The following BTG3 variants were observed in gnomAD, a reference collection of about 807,000 sequenced individuals.
BTG3 encodes BTG anti-proliferation factor 3.
A neutral mutation model predicts 25.8 loss-of-function variants in BTG3; 4 were observed. The observed-to-expected ratio is 0.16, with a 90% CI of 0.08 to 0.36. The LOEUF is 0.36. Among genes scored for constraint, BTG3 ranks in the 10% least tolerant of loss-of-function variants. BTG3 has a pLI of 1.00. For synonymous variants in BTG3, 107 were observed against 99.9 expected (o/e 1.07, Z -0.42); for missense variants, 201 against 304.9 (o/e 0.66, Z 2.54).
intron 4 of BTG3, among the ~76,000 whole-genome samples, chr21:17,596,536 T>C (rs1363987089): frequency 6.6e-6 from 1 of 152,056 alleles, no homozygotes; most frequent in African/African-American, 2.4e-5. Flanking sequence ...CACAAGTTCT[T>C]GAAGACTTTC....
At chr21:17,606,431 T>C (rs2061643784) in intron 2 of BTG3, among the ~76,000 whole-genome samples, 1 of 152,164 alleles carries the variant, frequency 6.6e-6, no homozygotes, top group Non-Finnish European at 1.5e-5. Context: ...GTATGTAAAA[T>C]ACTGCTTAGT....
Position 17,598,759 on chromosome 21 carries a change from T to C in BTG3, c.377A>G (p.Glu126Gly). 6.2e-7 allele frequency: 1 copy of C among 1,614,228 alleles called. No homozygotes were observed. Among genetic ancestry groups the C allele is most frequent in the Non-Finnish European group, 8.5e-7 (1 of 1,180,038 alleles). The change falls in exon 4 of 5, where the codon GAG becomes GGG. Residue 126 changes from glutamate (E) to glycine (G), a missense_variant. Around this residue, in one of 2 missense-constraint regions of BTG3, gnomAD observed 70 missense variants for 175.7 expected, o/e 0.40. Transcript: ENST00000348354. ...SFENKDENKD[E>G]ISRKVTRALD... is the part of the protein sequence containing the mutation. ...GGCCCTGGTAACTTTCCTGGAGATC[T>C]CATCCTTGTTCTCATCTTTATTTTC...
At chr21:17,597,503 A>C (rs375918641) in intron 4 of BTG3, among the ~76,000 whole-genome samples, 4 of 152,048 alleles carry the variant, frequency 2.6e-5, no homozygotes, top group African/African-American at 9.7e-5. Flanking sequence ...AAAAAAAGAA[A>C]AAAAAACCTG....
chr21:17,605,699 G>A (rs572444085), intron 2 of BTG3, among the ~76,000 whole-genome samples: 66 of 151,998 alleles, frequency 4.3e-4, no homozygotes, highest in African/African-American at 1.5e-3. Flanking sequence ...CCTATTATAC[G>A]ACATCTACCT....
intron 4 of BTG3, among the ~76,000 whole-genome samples, chr21:17,596,875 C>A (rs896827938): frequency 2.0e-5 from 3 of 152,006 alleles, no homozygotes; most frequent in South Asian, 2.1e-4. Flanking sequence ...ATGAATAATT[C>A]TTTATCCCCT....
intron 2 of BTG3, among the ~76,000 whole-genome samples, chr21:17,606,682 AT>A (rs933278931): frequency 3.3e-5 from 5 of 151,744 alleles, no homozygotes; most frequent in Non-Finnish European, 4.4e-5. Context: ...GTTTTGTACT[AT>A]TTTTTTTCAC....
In BTG3 at chr21:17,597,718, A is replaced by G. The variant is rs926227859; in HGVS notation, c.519+899T>C. On this transcript the variant is annotated intron_variant, in intron 4 of 4. Transcript: ENST00000348354. ...CTTCCCCTAAAGTCTAGGAAGAATA[A>G]TTCAACTGAGAAAAAAATGAGAAAA... 2.7e-5 allele frequency among the ~76,000 whole-genome samples: 3 copies of G among 109,448 alleles called. 1 individual carries two copies. Among genetic ancestry groups the G allele is most frequent in the Admixed American group, 2.2e-4 (2 of 9,162 alleles). 71.8% of individuals were successfully genotyped at this position (109,448 alleles called of 152,430 possible).
At position 17,594,304 on chromosome 21, in the gene BTG3, G is replaced by C. The variant is rs775262362; in HGVS notation, c.548C>G (p.Pro183Arg). Residue 183 changes from proline to arginine, a missense_variant, in exon 5 of 5, where the codon CCA becomes CGA. Coordinates refer to ENST00000348354, the MANE Select transcript of BTG3 (RefSeq NM_006806.5). ...QISELIFPPL[P>R]MWHPLPRKKP... ...TTTTCTGGGCAAAGGGTGCCACATT[G>C]GAAGAGGTGGAAATATAAGTTCTGA... 8 of 1,612,788 alleles carry C rather than the reference G, an allele frequency of 5.0e-6. No individual in the cohort carries two copies. Among genetic ancestry groups the C allele is most frequent in the African/African-American group, 1.3e-5 (1 of 74,826 alleles).
Position 17,593,984 on chromosome 21 carries a change from T to C in BTG3, c.*109A>G. 7.8e-7 allele frequency: 1 copy of C among 1,277,792 alleles called. No individual in the cohort carries two copies. Among genetic ancestry groups the C allele is most frequent in the South Asian group, 1.6e-5 (1 of 60,806 alleles). The allele number at this position is 1,277,792 out of a possible 1,614,324, so 79.2% of individuals were successfully genotyped here. On this transcript the variant is annotated 3_prime_UTR_variant, in exon 5 of 5. Coordinates refer to ENST00000348354, the MANE Select transcript of BTG3 (RefSeq NM_006806.5). ...CTTCTATAAAAATAAGTTTGATGGT[T>C]TGGCCCATCTAACTTCACTACTATT...
Position 17,604,807 on chromosome 21 carries a change from T to G in BTG3, c.311+53A>C, listed in dbSNP as rs542183419. The G allele has an allele frequency of 3.0e-5, 48 of 1,577,662 alleles. 2 individuals are homozygous for G. In the South Asian group the frequency reaches 5.4e-4, roughly 18 times the overall value. On this transcript the variant is annotated intron_variant, in intron 3 of 4. Transcript: ENST00000348354. Reference sequence around the variant, plus strand: ...GCAGGCCGTACATGACAGAATGTCATAAAATTAGTTCCAGCATGGTCATCA... The same window carrying G: ...GCAGGCCGTACATGACAGAATGTCAGAAAATTAGTTCCAGCATGGTCATCA...
At chr21:17,600,934 C>T (rs1489578838) in intron 3 of BTG3, among the ~76,000 whole-genome samples, 8 of 152,176 alleles carry the variant, frequency 5.3e-5, no homozygotes, top group African/African-American at 1.9e-4. Context: ...GAGGCCAAGG[C>T]GGGTGGATCA....
At chr21:17,595,364 A>G (rs967142362) in intron 4 of BTG3, among the ~76,000 whole-genome samples, 3 of 152,008 alleles carry the variant, frequency 2.0e-5, no homozygotes, top group South Asian at 4.1e-4. Flanking sequence ...CAAAAAGTAC[A>G]AAAGGGTAAA....
chr21:17,604,059 A>G, intron 3 of BTG3: 1 of 1,141,286 alleles, frequency 8.8e-7, no homozygotes, highest in Non-Finnish European at 1.1e-6. Flanking sequence ...CCTAGCACTG[A>G]TCTTTCACAA....
chr21:17,607,113 C>A (rs557774822), intron 2 of BTG3, among the ~76,000 whole-genome samples: 30 of 152,252 alleles, frequency 2.0e-4, no homozygotes, highest in Admixed American at 1.5e-3. Context: ...TTTTCTACTT[C>A]AAATACAGCT....
chr21:17,600,686 TA>T (rs1235858966), intron 3 of BTG3, among the ~76,000 whole-genome samples: 1 of 151,478 alleles, frequency 6.6e-6, no homozygotes. Context: ...AACAAAAAAT[TA>T]AAAAAACAGA....
At chr21:17,604,168 G>A (rs2061607439) in intron 3 of BTG3, 2 of 1,276,674 alleles carry the variant, frequency 1.6e-6, no homozygotes, top group Non-Finnish European at 2.0e-6. Flanking sequence ...AGGAGGCCGG[G>A]CGCAGTGGCT....
intron 3 of BTG3, among the ~76,000 whole-genome samples, chr21:17,602,748 G>A (rs1282452339): frequency 2.0e-5 from 3 of 152,070 alleles, no homozygotes; most frequent in African/African-American, 7.2e-5. Flanking sequence ...TTTCCTACCA[G>A]GCATCATCAA....
In BTG3 at chr21:17,596,125, T is replaced by C. The variant is rs572843386; in HGVS notation, c.520-1793A>G. ...AGCAGGATATGCCCATTATTTTTCA[T>C]TGAATCATTTACCTTTTACTAGTGA... On this transcript the variant is annotated intron_variant, in intron 4 of 4. Coordinates refer to ENST00000348354, the MANE Select transcript of BTG3 (RefSeq NM_006806.5). 7.7e-4 allele frequency among the ~76,000 whole-genome samples: 117 copies of C among 152,142 alleles called. 1 individual carries two copies. The highest frequency in any genetic ancestry group is 2.5e-3 in the African/African-American group (105 of 41,576).
intron 3 of BTG3, 67 bp downstream of exon 3, chr21:17,604,793 A>G (rs2061618815): frequency 1.3e-6 from 2 of 1,554,182 alleles, no homozygotes; most frequent in Non-Finnish European, 8.7e-7. Context: ...CAGGCCGTAC[A>G]TGACAGAATG....
Sources: gnomAD v4.1 joint callset for allele counts (sites outside exome capture counted in the v4.1 genomes callset) on GRCh38, gnomAD v4.1.1 for gene constraint, gnomAD v4.1.1 regional missense constraint, MANE v1.5 for transcripts, NCBI Gene and HGNC (gene_info 2026-07-23, HGNC 2026-07-21) for gene names.